The following CEP128 variants were observed in gnomAD, a reference collection of about 807,000 sequenced individuals.
CEP128 encodes the protein centrosomal protein 128.
Under a neutral mutation model 156.7 loss-of-function variants are expected in CEP128, and 132 were observed. The ratio of observed to expected loss-of-function variants is 0.84; its 90% confidence interval spans 0.73 to 0.97. The LOEUF is 0.97. CEP128 is among the 50% of genes least tolerant of loss of function. The pLI is 0.00. For synonymous variants in CEP128, 469 were observed against 448.9 expected (o/e 1.04, Z -0.57); for missense variants, 1,252 against 1,281.9 (o/e 0.98, Z 0.36).
chr14:80,664,247 G>C (rs1011009706), intron 19 of CEP128, among the ~76,000 whole-genome samples: 3 of 152,092 alleles, frequency 2.0e-5, no homozygotes, highest in Non-Finnish European at 2.9e-5. Context: ...AGAAAAGAAG[G>C]CCTCAAGGCC....
At chr14:80,857,028 A>ATGAG (rs1300643768) in intron 9 of CEP128, among the ~76,000 whole-genome samples, 1 of 151,850 alleles carries the variant, frequency 6.6e-6, no homozygotes, top group African/African-American at 2.4e-5. Flanking sequence ...AATTACAGGC[A>ATGAG]TGAGTCACCA....
Position 80,778,011 on chromosome 14 carries a change from A to C in CEP128, c.2247T>G (p.Ile749Met). ...TCAACTTCTCCAGCTGACCACGATG[A>C]ATTTTAGCCATATTCTTCTCTTCTA... ...ESLEEKNMAK[I>M]HRGQLEKLKS... The change falls in exon 16 of 25, where the codon ATT becomes ATG. Residue 749 changes from isoleucine to methionine, a missense_variant. By Grantham distance (10) the Ile-to-Met change is conservative (BLOSUM62 1). Transcript: ENST00000555265. 2 of 1,613,592 alleles carry C rather than the reference A, an allele frequency of 1.2e-6. No individual in the cohort carries two copies. Among genetic ancestry groups the C allele is most frequent in the Non-Finnish European group, 1.7e-6 (2 of 1,179,898 alleles).
chr14:80,520,044 A>G (rs1384544953), intron 23 of CEP128, among the ~76,000 whole-genome samples: 1 of 152,200 alleles, frequency 6.6e-6, no homozygotes, highest in African/African-American at 2.4e-5. Context: ...TCCAGACAGA[A>G]ACAGTGAACA....
At chr14:80,839,504 A>AACAC (rs367547508) in intron 10 of CEP128, among the ~76,000 whole-genome samples, 1 of 150,444 alleles carries the variant, frequency 6.6e-6, no homozygotes, top group African/African-American at 2.4e-5. Flanking sequence ...ACTTCACACA[A>AACAC]ACACACACAC....
At chr14:80,912,934 A>G (rs971188673) in intron 4 of CEP128, among the ~76,000 whole-genome samples, 1 of 152,202 alleles carries the variant, frequency 6.6e-6, no homozygotes, top group Non-Finnish European at 1.5e-5. Flanking sequence ...TATACCCCTC[A>G]TTAGAAACAT....
intron 8 of CEP128, among the ~76,000 whole-genome samples, chr14:80,869,820 G>T (rs1841172779): frequency 6.6e-6 from 1 of 151,578 alleles, no homozygotes; most frequent in Non-Finnish European, 1.5e-5. Context: ...TTAGTTTTTT[G>T]AAAAGATAAA....
chr14:80,913,913 A>C (rs1159070165), intron 4 of CEP128, among the ~76,000 whole-genome samples: 1 of 152,256 alleles, frequency 6.6e-6, no homozygotes, highest in Non-Finnish European at 1.5e-5. Context: ...GTTCCACTAC[A>C]GCAATAGAAA....
At chr14:80,862,959 C>G in intron 8 of CEP128, 86 bp from the exon 9 acceptor site, 3 of 890,206 alleles carry the variant, frequency 3.4e-6, no homozygotes, top group Non-Finnish European at 5.6e-6. Flanking sequence ...ATAGCAGATA[C>G]ACTACTGCTT....
At chr14:80,566,578 T>C (rs1890918361) in intron 20 of CEP128, among the ~76,000 whole-genome samples, 1 of 152,204 alleles carries the variant, frequency 6.6e-6, no homozygotes, top group African/African-American at 2.4e-5. Flanking sequence ...AAATGTAGCA[T>C]AAGTTGGCTT....
chr14:80,914,227 A>G (rs1228740664), intron 4 of CEP128, 95 bp downstream of exon 4: 14 of 835,528 alleles, frequency 1.7e-5, no homozygotes, highest in Non-Finnish European at 2.8e-5. Context: ...GCACTTCACA[A>G]TGGTTTTTTC....
At chr14:80,645,821 G>A (rs1894608523) in intron 19 of CEP128, among the ~76,000 whole-genome samples, 1 of 152,088 alleles carries the variant, frequency 6.6e-6, no homozygotes, top group Admixed American at 6.6e-5. Flanking sequence ...AGCAACCAAG[G>A]TGTCTTTCAG....
intron 13 of CEP128, among the ~76,000 whole-genome samples, chr14:80,799,588 C>T (rs1036965219): frequency 2.6e-5 from 4 of 152,046 alleles, no homozygotes; most frequent in African/African-American, 4.8e-5. Flanking sequence ...GAAGATATCG[C>T]TAAATTCTTT....
intron 15 of CEP128, among the ~76,000 whole-genome samples, chr14:80,784,351 T>G (rs1346066955): frequency 6.6e-6 from 1 of 151,696 alleles, no homozygotes; most frequent in African/African-American, 2.4e-5. Flanking sequence ...ATAAAATGAT[T>G]GCCCTGCATG....
In CEP128 at chr14:80,928,816, G is replaced by A. The variant is rs187133197; in HGVS notation, c.-16+10569C>T. On this transcript the variant is annotated intron_variant, in intron 2 of 24. Transcript: ENST00000555265. ...CCTAGGAAAAACTCTTCTGGACATT[G>A]GCCTAGGCAACAAATTTATGACTAA... Among the ~76,000 whole-genome samples, 622 of 152,122 alleles carry A rather than the reference G, an allele frequency of 4.1e-3. 5 individuals carry two copies. The highest frequency in any genetic ancestry group is 0.014 in the African/African-American group (595 of 41,538).
chr14:80,834,643 T>G (rs1198916843), intron 12 of CEP128, among the ~76,000 whole-genome samples: 4 of 152,132 alleles, frequency 2.6e-5, no homozygotes, highest in African/African-American at 9.7e-5. Flanking sequence ...AGCTCAATAT[T>G]TTTAGTCCTC....
chr14:80,640,013 C>T (rs1894344180), intron 19 of CEP128, among the ~76,000 whole-genome samples: 1 of 152,094 alleles, frequency 6.6e-6, no homozygotes, highest in African/African-American at 2.4e-5. Context: ...ACCAGAATAA[C>T]AAAGCATTGT....
intron 14 of CEP128, among the ~76,000 whole-genome samples, chr14:80,482,321 T>C (rs763807527): frequency 1.8e-4 from 28 of 152,258 alleles, no homozygotes; most frequent in Non-Finnish European, 3.4e-4. Context: ...CAGCTACTAC[T>C]GATGTACTGC....
chr14:80,839,275 T>C (rs1377673516), intron 10 of CEP128, among the ~76,000 whole-genome samples: 2 of 152,216 alleles, frequency 1.3e-5, no homozygotes, highest in South Asian at 2.1e-4. Flanking sequence ...AAATCACACA[T>C]TTATATTAAG....
chr14:80,817,980 G>C (rs1884962620), intron 13 of CEP128, among the ~76,000 whole-genome samples: 1 of 152,122 alleles, frequency 6.6e-6, no homozygotes, highest in Admixed American at 6.5e-5. Context: ...GATGCAATCT[G>C]ATGAAGAGAG....
Sources: gnomAD v4.1 joint callset for allele counts (sites outside exome capture counted in the v4.1 genomes callset) on GRCh38, gnomAD v4.1.1 for gene constraint, MANE v1.5 for transcripts, NCBI Gene and HGNC (gene_info 2026-07-23, HGNC 2026-07-21) for gene names.